The following C1GALT1 variants were observed in gnomAD, a reference collection of about 807,000 sequenced individuals.
The protein encoded by C1GALT1 is glycoprotein-N-acetylgalactosamine 3-beta-galactosyltransferase 1.
C1GALT1 carries 11 observed loss-of-function variants against 31.0 expected under a neutral mutation model. The ratio of observed to expected loss-of-function variants is 0.36; its 90% CI spans 0.22 to 0.59. C1GALT1 has a LOEUF of 0.59. Among genes scored for constraint, C1GALT1 ranks in the 20% least tolerant of loss-of-function variants. C1GALT1 has a pLI of 0.79. For synonymous variants in C1GALT1, 175 were observed against 143.6 expected (o/e 1.22, Z -1.56); for missense variants, 424 against 425.2 (o/e 1.00, Z 0.03).
At chr7:7,167,747 C>T (rs537594667) in intron 2 of C1GALT1, among the ~76,000 whole-genome samples, 2 of 152,266 alleles carry the variant, frequency 1.3e-5, no homozygotes, top group South Asian at 2.1e-4. Flanking sequence ...CCCCAGGCCT[C>T]TTCTCACAGC....
chr7:7,192,615 GT>G (rs768332217), intron 1 of C1GALT1, among the ~76,000 whole-genome samples: 6 of 152,004 alleles, frequency 3.9e-5, no homozygotes, highest in Non-Finnish European at 7.4e-5. Flanking sequence ...TGCTATAAAT[GT>G]GTGTTCAAGT....
At chr7:7,202,159 C>T (rs1046688742) in intron 1 of C1GALT1, among the ~76,000 whole-genome samples, 5 of 152,210 alleles carry the variant, frequency 3.3e-5, no homozygotes, top group African/African-American at 9.7e-5. Flanking sequence ...CAGACATTCC[C>T]TTTCACACAT....
chr7:7,225,268 G>C (rs1782707073), intron 1 of C1GALT1, among the ~76,000 whole-genome samples: 1 of 152,062 alleles, frequency 6.6e-6, no homozygotes, highest in South Asian at 2.1e-4. Context: ...TGCTTTTGCT[G>C]TGCCGCTCTA....
intron 1 of C1GALT1, among the ~76,000 whole-genome samples, chr7:7,229,306 C>G (rs1455547140): frequency 1.3e-5 from 2 of 152,092 alleles, no homozygotes; most frequent in Non-Finnish European, 2.9e-5. Flanking sequence ...TGCTGTAAGG[C>G]AAAGTGTTAG....
In C1GALT1 at chr7:7,245,188, G is replaced by A. The variant is rs1783792859; in HGVS notation, c.*1461G>A. On this transcript the variant is annotated 3_prime_UTR_variant, in exon 4 of 4. Coordinates refer to ENST00000436587, the MANE Select transcript of C1GALT1 (RefSeq NM_020156.5). Reference sequence around the variant, plus strand: ...GTTTATCATTATGCCAATTTTACATGGCAGTCATGCCACTGACTCTGCTAT... The same window carrying A: ...GTTTATCATTATGCCAATTTTACATAGCAGTCATGCCACTGACTCTGCTAT... 6.6e-6 allele frequency: 1 copy of A among 152,172 alleles called. No individual in the cohort carries two copies. The highest frequency in any genetic ancestry group is 1.5e-5 in the Non-Finnish European group (1 of 68,038). The allele number at this position is 152,172 out of a possible 1,614,324, so 9.4% of individuals were successfully genotyped here.
intron 3 of C1GALT1, 152 bp downstream of exon 3, chr7:7,239,074 G>T (rs1193325462): frequency 1.6e-6 from 1 of 643,850 alleles, no homozygotes; most frequent in East Asian, 2.8e-5. Context: ...CAAAATAGAT[G>T]AGAACAGGGA....
chr7:7,242,824 T>C (rs1195188417), intron 3 of C1GALT1, among the ~76,000 whole-genome samples: 1 of 152,106 alleles, frequency 6.6e-6, no homozygotes, highest in South Asian at 2.1e-4. Context: ...CTGATATGAT[T>C]TTTCAGTCAA....
rs140130002 is a variant in C1GALT1 at position 7,246,089 on chromosome 7, A to G, written c.*2362A>G. ...TTGCTTTGACCAGATACTGAAGGAAATAAGTAATAGCTAGTATTTATCCAA... is the reference window on the plus strand; with the variant it reads ...TTGCTTTGACCAGATACTGAAGGAAGTAAGTAATAGCTAGTATTTATCCAA... On this transcript the variant is annotated 3_prime_UTR_variant, in exon 4 of 4. Transcript: ENST00000436587. 3.3e-5 allele frequency: 5 copies of G among 152,358 alleles called. No individual in the cohort carries two copies. Among genetic ancestry groups the G allele is most frequent in the African/African-American group, 1.2e-4 (5 of 41,586 alleles). 9.4% of individuals were successfully genotyped at this position (152,358 alleles called of 1,614,324 possible). A position where few individuals can be genotyped will look rare whatever the true frequency, so the allele number is the denominator to read the frequency against.
chr7:7,230,349 GT>G (rs546901796), intron 1 of C1GALT1, among the ~76,000 whole-genome samples: 1 of 151,704 alleles, frequency 6.6e-6, no homozygotes, highest in Non-Finnish European at 1.5e-5. Flanking sequence ...GTAACTACTA[GT>G]TTTTTTTGTG....
intron 1 of C1GALT1, among the ~76,000 whole-genome samples, chr7:7,203,272 G>A (rs2128236326): frequency 6.6e-6 from 1 of 152,094 alleles, no homozygotes; most frequent in South Asian, 2.1e-4. Flanking sequence ...AGGAATTCTT[G>A]CCTTGTTGTA....
chr7:7,173,212 A>G lies in C1GALT1; in HGVS notation c.-18+15786A>G, dbSNP rs568796220. ...TAAGTGAGTTCTTGCTCTGGTTCAC[A>G]TGAGATCTGGTCATTTAAAAGTGTG... On this transcript the variant is annotated intron_variant, in intron 2 of 3. Coordinates refer to the C1GALT1 transcript ENST00000429911. Among the ~76,000 whole-genome samples the G allele has an allele frequency of 6.2e-4, 94 of 152,066 alleles. 1 individual carries two copies. The highest frequency in any genetic ancestry group is 2.2e-3 in the African/African-American group (90 of 41,494).
intron 1 of C1GALT1, among the ~76,000 whole-genome samples, chr7:7,204,368 G>T (rs34705126): frequency 0.16 from 24,859 of 151,858 alleles, 2,295 homozygotes; most frequent in Middle Eastern, 0.28. Context: ...GTTGTTTATA[G>T]TATCCTCTTA....
chr7:7,225,265 G>A (rs1248662341), intron 1 of C1GALT1, among the ~76,000 whole-genome samples: 3 of 152,010 alleles, frequency 2.0e-5, no homozygotes, highest in Non-Finnish European at 4.4e-5. Flanking sequence ...CACTGCTTTT[G>A]CTGTGCCGCT....
At chr7:7,214,749 C>T (rs375350168) in intron 1 of C1GALT1, among the ~76,000 whole-genome samples, 34 of 152,224 alleles carry the variant, frequency 2.2e-4, no homozygotes, top group African/African-American at 7.9e-4. Context: ...AGGGGTAGGC[C>T]GAACAAACTT....
intron 2 of C1GALT1, among the ~76,000 whole-genome samples, chr7:7,175,632 AGAG>A (rs1253206157): frequency 1.3e-5 from 2 of 152,208 alleles, no homozygotes; most frequent in African/African-American, 4.8e-5. Flanking sequence ...TTAGCAAAAC[AGAG>A]GAGAGGATCT....
At chr7:7,217,910 C>T (rs1782319874) in intron 1 of C1GALT1, among the ~76,000 whole-genome samples, 1 of 152,094 alleles carries the variant, frequency 6.6e-6, no homozygotes, top group Non-Finnish European at 1.5e-5. Context: ...GTAGCTCTCC[C>T]CTCCCTGCCG....
At chr7:7,172,775 C>T (rs556027788) in intron 2 of C1GALT1, among the ~76,000 whole-genome samples, 162 of 152,174 alleles carry the variant, frequency 1.1e-3, no homozygotes, top group Non-Finnish European at 2.0e-3. Context: ...CAGAGTGGTA[C>T]ATTTGTTACT....
At chr7:7,223,113 T>C (rs1172243179) in intron 1 of C1GALT1, among the ~76,000 whole-genome samples, 1 of 152,224 alleles carries the variant, frequency 6.6e-6, no homozygotes, top group African/African-American at 2.4e-5. Flanking sequence ...GGAGTTTTTC[T>C]TTCTGGGATA....
At chr7:7,212,552 C>T (rs1018014119) in intron 1 of C1GALT1, among the ~76,000 whole-genome samples, 2 of 152,146 alleles carry the variant, frequency 1.3e-5, no homozygotes, top group Admixed American at 1.3e-4. Context: ...GTATAAGAGA[C>T]CACCTGAGCA....
Sources: gnomAD v4.1 joint callset for allele counts (sites outside exome capture counted in the v4.1 genomes callset) on GRCh38, gnomAD v4.1.1 for gene constraint, MANE v1.5 for transcripts, NCBI Gene and HGNC (gene_info 2026-07-23, HGNC 2026-07-21) for gene names.